AAK1: variants seen among roughly 807,000 people sequenced by gnomAD.
AAK1 encodes AP2 associated kinase 1, also known as AP2-associated protein kinase 1.
In AAK1, 37 loss-of-function variants were observed where a neutral mutation model predicts 116.0. That is an observed-to-expected ratio of 0.32 (90% CI 0.25 to 0.42). AAK1 has a LOEUF of 0.42. AAK1 is among the 10% of genes least tolerant of loss of function. The pLI, the probability that AAK1 is intolerant of heterozygous loss-of-function variation, is 1.00. For synonymous variants in AAK1, 458 were observed against 439.9 expected (o/e 1.04, Z -0.51); for missense variants, 919 against 1,170.6 (o/e 0.79, Z 3.14).
intron 5 of AAK1, among the ~76,000 whole-genome samples, chr2:69,541,139 T>C (rs1476398701): frequency 2.6e-5 from 4 of 152,006 alleles, no homozygotes; most frequent in African/African-American, 7.2e-5. Flanking sequence ...AGGGTTTCTT[T>C]TGGGGATGAT....
intron 2 of AAK1, among the ~76,000 whole-genome samples, chr2:69,618,774 CGACACT>C (rs1243832941): frequency 6.6e-6 from 1 of 152,152 alleles, no homozygotes; most frequent in Non-Finnish European, 1.5e-5. Context: ...GATTTCTTCA[CGACACT>C]GACCTTTGGT....
rs978903306 is a variant in AAK1 at position 69,471,428 on chromosome 2, T to C, written c.*4441A>G. The C allele has an allele frequency of 1.0e-6, 1 of 985,342 alleles. No individual in the cohort carries two copies. The highest frequency in any genetic ancestry group is 1.7e-5 in the African/African-American group (1 of 57,256). The allele number at this position is 985,342 out of a possible 1,614,324, so 61.0% of individuals were successfully genotyped here. A position where few individuals can be genotyped will look rare whatever the true frequency, so the allele number is the denominator to read the frequency against. On this transcript the variant is annotated 3_prime_UTR_variant, in exon 22 of 22. Coordinates refer to ENST00000409085, the MANE Select transcript of AAK1 (RefSeq NM_014911.5). ...GGAAAAAGAAAAGGCTGACTTTGTGTTGATAAAATTATAGCCTTTAGAGAG... is the reference window on the plus strand; with the variant it reads ...GGAAAAAGAAAAGGCTGACTTTGTGCTGATAAAATTATAGCCTTTAGAGAG...
At chr2:69,494,222 G>A (rs868790369) in intron 17 of AAK1, among the ~76,000 whole-genome samples, 20 of 152,144 alleles carry the variant, frequency 1.3e-4, no homozygotes, top group Middle Eastern at 3.2e-3. Flanking sequence ...CATTTCAGCA[G>A]GAATCCACCA....
chr2:69,589,191 G>T (rs1672918329), intron 2 of AAK1, among the ~76,000 whole-genome samples: 1 of 152,158 alleles, frequency 6.6e-6, no homozygotes, highest in African/African-American at 2.4e-5. Context: ...GAAACAAGGT[G>T]GCACTACGTG....
In AAK1 at chr2:69,467,473, G is replaced by T. The variant is rs949159793; in HGVS notation, c.*8396C>A. The T allele has an allele frequency of 1.0e-6, 1 of 985,332 alleles. No homozygotes were observed. The highest frequency in any genetic ancestry group is 4.7e-5 in the South Asian group (1 of 21,282). The allele number at this position is 985,332 out of a possible 1,614,324, so 61.0% of individuals were successfully genotyped here. ...TCATTGGGCACATGTTAGCAAGAGG[G>T]CAGGAAAAAGGCATATGTAACTAAG... On this transcript the variant is annotated 3_prime_UTR_variant, in exon 22 of 22. Transcript: ENST00000409085.
chr2:69,574,028 C>CA (rs1331910614), intron 2 of AAK1, among the ~76,000 whole-genome samples: 1 of 150,736 alleles, frequency 6.6e-6, no homozygotes, highest in African/African-American at 2.4e-5. Flanking sequence ...AAAGTCAAGA[C>CA]AAAAAAACTA....
intron 5 of AAK1, among the ~76,000 whole-genome samples, chr2:69,534,454 C>T (rs1670381627): frequency 6.6e-6 from 1 of 152,146 alleles, no homozygotes; most frequent in African/African-American, 2.4e-5. Context: ...TCAGAAATGC[C>T]CCCACAATAG....
rs958499014 is a variant in AAK1 at position 69,481,043 on chromosome 2, C to T, written c.2468-82G>A. On this transcript the variant is annotated intron_variant, in intron 18 of 21. Coordinates refer to ENST00000409085, the MANE Select transcript of AAK1 (RefSeq NM_014911.5). ...TCTTTAGGAAATTCTGTGAAGCTTT[C>T]TTCTTTTTTTTTAATTCTCATTTTT... The T allele has an allele frequency of 6.6e-6, 8 of 1,203,822 alleles. No individual in the cohort carries two copies. The East Asian group carries it at 1.9e-4, about 28-fold the overall frequency. 74.6% of individuals were successfully genotyped at this position (1,203,822 alleles called of 1,614,324 possible). A position where few individuals can be genotyped will look rare whatever the true frequency, so the allele number is the denominator to read the frequency against.
chr2:69,476,736 T>A (rs1674872530), intron 21 of AAK1, 144 bp downstream of exon 21: 1 of 593,774 alleles, frequency 1.7e-6, no homozygotes, highest in Admixed American at 3.1e-5. Flanking sequence ...CTATCTCTAT[T>A]GGTCCAGCCT....
rs191720095 is a variant in AAK1 at position 69,524,652 on chromosome 2, T to C, written c.1055+381A>G. ...TTTGTCATGTTGGCCAGGCTGGTCT[T>C]GAACTCCCGACCTCAGGTGATCTAC... On this transcript the variant is annotated intron_variant, in intron 10 of 21. Transcript: ENST00000409085. Among the ~76,000 whole-genome samples the C allele has an allele frequency of 5.2e-3, 797 of 152,066 alleles. 6 individuals are homozygous for C. Among genetic ancestry groups the C allele is most frequent in the African/African-American group, 0.018 (761 of 41,450 alleles).
At chr2:69,482,646 C>T in intron 18 of AAK1, 65 bp downstream of exon 18, 7 of 1,344,476 alleles carry the variant, frequency 5.2e-6, no homozygotes, top group Non-Finnish European at 7.4e-6. Flanking sequence ...TAACTAGGTA[C>T]TTGTCATTCT....
chr2:69,561,220 C>G (rs1025237955), intron 2 of AAK1, among the ~76,000 whole-genome samples: 1 of 152,152 alleles, frequency 6.6e-6, no homozygotes, highest in African/African-American at 2.4e-5. Context: ...CTTCATTTTA[C>G]TCAAAGCCAA....
chr2:69,495,926 A>G, intron 17 of AAK1, 59 bp downstream of exon 17: 1 of 1,398,224 alleles, frequency 7.2e-7, no homozygotes, highest in Non-Finnish European at 9.7e-7. Flanking sequence ...AGAACTTTCT[A>G]CAAGGCCTGG....
At chr2:69,506,873 T>C (rs1235654345) in intron 15 of AAK1, among the ~76,000 whole-genome samples, 1 of 73,052 alleles carries the variant, frequency 1.4e-5, no homozygotes, top group Non-Finnish European at 4.1e-5. Flanking sequence ...TGTGCCTGTG[T>C]GTGTGTGTGT....
At position 69,466,729 on chromosome 2, in the gene AAK1, T is replaced by G. The variant is rs1304121454; in HGVS notation, c.*9140A>C. ...AAACTGCACACAAACTGGAACACAA[T>G]CAACCACTGTCTCACGTTTTGGAAC... On this transcript the variant is annotated 3_prime_UTR_variant, in exon 22 of 22. Transcript: ENST00000409085. The G allele has an allele frequency of 1.0e-6, 1 of 985,144 alleles. No individual in the cohort carries two copies. Among genetic ancestry groups the G allele is most frequent in the Admixed American group, 6.2e-5 (1 of 16,248 alleles). The allele number at this position is 985,144 out of a possible 1,614,324, so 61.0% of individuals were successfully genotyped here.
intron 3 of AAK1, among the ~76,000 whole-genome samples, chr2:69,556,107 CTAAT>C (rs1671374869): frequency 6.6e-6 from 1 of 152,156 alleles, no homozygotes; most frequent in African/African-American, 2.4e-5. Flanking sequence ...GAATTGAAGT[CTAAT>C]TAACATAACA....
chr2:69,507,204 T>C lies in AAK1; in HGVS notation c.2164+217A>G, dbSNP rs527474774. On this transcript the variant is annotated intron_variant, in intron 15 of 21. Coordinates refer to ENST00000409085, the MANE Select transcript of AAK1 (RefSeq NM_014911.5). ...ACACTCTCCTTGCTACCACCCACAA[T>C]AGATCAGGATTTCCTGAAGATGAGG... Among the ~76,000 whole-genome samples, 5 of 152,306 alleles carry C rather than the reference T, an allele frequency of 3.3e-5. No homozygotes were observed. In the South Asian group the frequency reaches 6.2e-4, roughly 19 times the overall value.
At chr2:69,540,861 C>G (rs1338576253) in intron 5 of AAK1, among the ~76,000 whole-genome samples, 2 of 152,194 alleles carry the variant, frequency 1.3e-5, no homozygotes, top group East Asian at 3.8e-4. Context: ...CTCGAATGTT[C>G]ATCAGTGAAT....
At chr2:69,568,174 C>CA (rs1671954542) in intron 2 of AAK1, among the ~76,000 whole-genome samples, 1 of 152,194 alleles carries the variant, frequency 6.6e-6, no homozygotes, top group Non-Finnish European at 1.5e-5. Flanking sequence ...TTACATTCTC[C>CA]AAAAGAGAAT....
Sources: allele counts gnomAD v4.1 joint callset (sites outside exome capture counted in the v4.1 genomes callset), GRCh38; gene constraint gnomAD v4.1.1; transcripts MANE v1.5; gene names NCBI Gene and HGNC (gene_info 2026-07-23, HGNC 2026-07-21).